The following KALRN variants were observed in gnomAD, a reference collection of about 807,000 sequenced individuals.
KALRN encodes the protein kalirin.
A neutral mutation model predicts 353.7 loss-of-function variants in KALRN; 70 were observed. The observed-to-expected ratio is 0.20, with a 90% CI of 0.16 to 0.24. The LOEUF is 0.24. Among genes scored for constraint, KALRN ranks in the 10% least tolerant of loss-of-function variants. The probability of loss-of-function intolerance (pLI) is 1.00; values close to 1 mark genes in which losing one functional copy is unlikely to be tolerated. For missense variants in KALRN, 2,791 were observed against 3,756.7 expected, an observed-to-expected ratio of 0.74 and a Z score of 6.72; for synonymous variants, 1,391 against 1,434.8, an observed-to-expected ratio of 0.97 and a Z score of 0.69.
intron 58 of KALRN, 52 bp from the exon 59 acceptor site, chr3:124,717,195 C>CTAT (rs1229516704): frequency 1.3e-6 from 2 of 1,508,122 alleles, no homozygotes; most frequent in African/African-American, 2.8e-5. Context: ...TGTTATTTTT[C>CTAT]TATTTCTTCA....
At chr3:124,642,806 G>GTTTTTTTTTTGTTGTTGTTGTT (rs1553707031) in intron 37 of KALRN, among the ~76,000 whole-genome samples, 10 of 96,840 alleles carry the variant, frequency 1.0e-4, no homozygotes, top group African/African-American at 4.0e-4. Context: ...CCCAAGCCTC[G>GTTTTTTTTTTGTTGTTGTTGTT]TTTTTTTTTT....
At chr3:124,515,953 G>T (rs2066498237) in intron 33 of KALRN, among the ~76,000 whole-genome samples, 1 of 152,214 alleles carries the variant, frequency 6.6e-6, no homozygotes, top group Admixed American at 6.5e-5. Flanking sequence ...AAGGGAGCAA[G>T]TGTTCAGTAT....
intron 34 of KALRN, among the ~76,000 whole-genome samples, chr3:124,581,681 A>G (rs1280827811): frequency 6.6e-6 from 1 of 152,232 alleles, no homozygotes; most frequent in Non-Finnish European, 1.5e-5. Context: ...AATTCCCATC[A>G]TAATGCCCCC....
At chr3:124,545,910 C>T (rs533458563) in intron 33 of KALRN, among the ~76,000 whole-genome samples, 4 of 152,136 alleles carry the variant, frequency 2.6e-5, no homozygotes, top group African/African-American at 4.8e-5. Context: ...CCCACCCACA[C>T]GTGACTGAGA....
chr3:124,507,995 AT>A (rs575250235), intron 33 of KALRN, among the ~76,000 whole-genome samples: 1 of 152,190 alleles, frequency 6.6e-6, no homozygotes, highest in African/African-American at 2.4e-5. Context: ...ATTCTATATT[AT>A]TTTTTAATTG....
chr3:124,708,340 A>G (rs1037797969), intron 57 of KALRN, among the ~76,000 whole-genome samples: 14 of 152,166 alleles, frequency 9.2e-5, no homozygotes, highest in Non-Finnish European at 1.5e-5. Flanking sequence ...CTATCACACA[A>G]AGACTTTAAA....
intron 21 of KALRN, among the ~76,000 whole-genome samples, chr3:124,453,861 T>C (rs2059039551): frequency 6.6e-6 from 1 of 152,196 alleles, no homozygotes; most frequent in South Asian, 2.1e-4. Flanking sequence ...TTTCTCCTTT[T>C]AAAATTCCTA....
At chr3:124,420,722 G>GA (rs967642624) in intron 14 of KALRN, among the ~76,000 whole-genome samples, 2 of 151,784 alleles carry the variant, frequency 1.3e-5, no homozygotes, top group Non-Finnish European at 2.9e-5. Context: ...TGTAACACCA[G>GA]AAAAAAAAGG....
chr3:124,542,272 T>A (rs79692131), intron 33 of KALRN, among the ~76,000 whole-genome samples: 7,006 of 152,182 alleles, frequency 0.046, 309 homozygotes, highest in African/African-American at 0.11. Flanking sequence ...AACAAAGAGT[T>A]TGTGGTTCAG....
chr3:124,585,329 T>A (rs1355818689), intron 34 of KALRN, among the ~76,000 whole-genome samples: 1 of 152,220 alleles, frequency 6.6e-6, no homozygotes, highest in African/African-American at 2.4e-5. Flanking sequence ...GACTCCTGGC[T>A]ACAGGAATGT....
intron 1 of KALRN, among the ~76,000 whole-genome samples, chr3:124,218,834 C>T (rs1433094796): frequency 2.0e-5 from 3 of 152,108 alleles, no homozygotes; most frequent in South Asian, 2.1e-4. Context: ...CTTAGAGAGG[C>T]GTTACCCATA....
chr3:124,049,816 A>T (rs1461918111), intron 1 of KALRN, among the ~76,000 whole-genome samples: 1 of 152,222 alleles, frequency 6.6e-6, no homozygotes, highest in East Asian at 1.9e-4. Flanking sequence ...TCACTTGCAC[A>T]CTTACTTCTT....
intron 51 of KALRN, among the ~76,000 whole-genome samples, chr3:124,682,513 T>G (rs2061386993): frequency 6.6e-6 from 1 of 152,232 alleles, no homozygotes; most frequent in Non-Finnish European, 1.5e-5. Context: ...GCCAGCCTGT[T>G]GATCCCAGCC....
At chr3:124,406,571 A>G (rs1035775052) in intron 13 of KALRN, among the ~76,000 whole-genome samples, 5 of 152,312 alleles carry the variant, frequency 3.3e-5, no homozygotes, top group African/African-American at 9.6e-5. Flanking sequence ...GAAAGATGCC[A>G]TTTTGCAATT....
At chr3:124,595,550 C>A (rs1284668408) in intron 34 of KALRN, among the ~76,000 whole-genome samples, 1 of 152,104 alleles carries the variant, frequency 6.6e-6, no homozygotes, top group Non-Finnish European at 1.5e-5. Context: ...CTGATTTTTG[C>A]TGTTATAAAC....
chr3:124,238,018 A>T (rs1257128202), intron 3 of KALRN, among the ~76,000 whole-genome samples: 1 of 152,198 alleles, frequency 6.6e-6, no homozygotes, highest in African/African-American at 2.4e-5. Flanking sequence ...TAATTTAGAA[A>T]TGAATAGGAA....
chr3:124,580,504 T>C (rs953084323), intron 34 of KALRN, among the ~76,000 whole-genome samples: 7 of 152,182 alleles, frequency 4.6e-5, no homozygotes, highest in Non-Finnish European at 7.3e-5. Flanking sequence ...AAAATCATAT[T>C]CTCCACCATC....
chr3:124,660,770 T>A (rs1353478065), intron 43 of KALRN, among the ~76,000 whole-genome samples, 153 bp from the exon 44 acceptor site: 1 of 151,966 alleles, frequency 6.6e-6, no homozygotes, highest in Non-Finnish European at 1.5e-5. Flanking sequence ...ACATGACTCA[T>A]AATTTCATTT....
chr3:124,583,943 T>G (rs955275923), intron 34 of KALRN, among the ~76,000 whole-genome samples: 3 of 152,208 alleles, frequency 2.0e-5, no homozygotes, highest in Admixed American at 6.5e-5. Context: ...GAGGATCACT[T>G]GAGCCCAGGA....
Sources: gnomAD v4.1 joint callset for allele counts (sites outside exome capture counted in the v4.1 genomes callset) on GRCh38, gnomAD v4.1.1 for gene constraint, MANE v1.5 for transcripts, NCBI Gene and HGNC (gene_info 2026-07-23, HGNC 2026-07-21) for gene names.